The following PALD1 variants were observed in gnomAD, a reference collection of about 807,000 sequenced individuals.
The protein encoded by PALD1 is paladin.
A neutral mutation model predicts 96.0 loss-of-function variants in PALD1; 57 were observed. The observed-to-expected ratio is 0.59, with a 90% confidence interval of 0.48 to 0.74. The LOEUF is 0.74. Among genes scored for constraint, PALD1 ranks in the 30% least tolerant of loss-of-function variants. The pLI, the probability that PALD1 is intolerant of heterozygous loss-of-function variation, is 0.00. For missense variants in PALD1, 1,063 were observed against 1,143.7 expected (o/e 0.93, Z 1.02); for synonymous variants, 464 against 473.6 (o/e 0.98, Z 0.26).
chr10:70,538,167 G>A, intron 11 of PALD1, 113 bp from the exon 12 acceptor site: 1 of 1,178,284 alleles, frequency 8.5e-7, no homozygotes, highest in Non-Finnish European at 1.2e-6. Flanking sequence ...CCTTGTCCCT[G>A]CTCTGGGCCA....
At chr10:70,459,840 C>A in the PALD1 span, among the ~76,000 whole-genome samples, 1 of 152,138 alleles carries the variant, frequency 6.6e-6, no homozygotes, top group Non-Finnish European at 1.5e-5. Flanking sequence ...TAGGTGAACG[C>A]CACTCTGCCC....
At chr10:70,529,606 G>C (rs1846951461) in intron 3 of PALD1, among the ~76,000 whole-genome samples, 1 of 152,046 alleles carries the variant, frequency 6.6e-6, no homozygotes, top group South Asian at 2.1e-4. Context: ...CTTTCCTCCA[G>C]GCCTGGCTCA....
chr10:70,463,965 T>C, the PALD1 span, among the ~76,000 whole-genome samples: 1 of 152,168 alleles, frequency 6.6e-6, no homozygotes, highest in Non-Finnish European at 1.5e-5. Flanking sequence ...AAGATACACA[T>C]ACAGTAAAGT....
the PALD1 span, among the ~76,000 whole-genome samples, chr10:70,459,532 G>A: frequency 6.6e-6 from 1 of 152,304 alleles, no homozygotes; most frequent in East Asian, 1.9e-4. Context: ...GCTGGGGCTG[G>A]GCAGTGCCAA....
intron 7 of PALD1, 71 bp from the exon 8 acceptor site, chr10:70,533,851 T>C: frequency 7.2e-7 from 1 of 1,388,868 alleles, no homozygotes; most frequent in Admixed American, 2.6e-5. Context: ...TGTCATGCTT[T>C]TCTCCCTGCT....
At chr10:70,549,914 A>G (rs1589215124) in intron 18 of PALD1, among the ~76,000 whole-genome samples, 1 of 152,296 alleles carries the variant, frequency 6.6e-6, no homozygotes, top group East Asian at 1.9e-4. Flanking sequence ...CGCTCCCACC[A>G]GGTCACCCAC....
At chr10:70,556,225 G>A (rs1474032715) in intron 18 of PALD1, among the ~76,000 whole-genome samples, 1 of 151,924 alleles carries the variant, frequency 6.6e-6, no homozygotes, top group East Asian at 1.9e-4. Context: ...GAGTGTGCAT[G>A]TGAGTACCCG....
chr10:70,515,400 C>G (rs1172533315), intron 1 of PALD1, among the ~76,000 whole-genome samples: 1 of 152,198 alleles, frequency 6.6e-6, no homozygotes, highest in Admixed American at 6.5e-5. Context: ...ATGTGATGAT[C>G]GTGGTTGTTA....
intron 8 of PALD1, 150 bp from the exon 9 acceptor site, chr10:70,534,275 T>C: frequency 1.3e-6 from 1 of 750,096 alleles, no homozygotes; most frequent in Non-Finnish European, 2.1e-6. Flanking sequence ...GTTTCCCTAG[T>C]TGGGGAAATG....
intron 1 of PALD1, among the ~76,000 whole-genome samples, chr10:70,511,200 A>C (rs1310901680): frequency 2.0e-5 from 3 of 152,250 alleles, no homozygotes; most frequent in Non-Finnish European, 2.9e-5. Context: ...TTTGGCTGCA[A>C]GTAATAGGAA....
intron 1 of PALD1, among the ~76,000 whole-genome samples, chr10:70,502,539 A>G (rs1846319094): frequency 6.6e-6 from 1 of 152,212 alleles, no homozygotes; most frequent in African/African-American, 2.4e-5. Flanking sequence ...GTGAAAGACT[A>G]GAAATATCTT....
rs767152116 is a variant in PALD1, at chr10:70,534,089, C to T, written c.1022+16C>T. ...CCCAGCCAGAGTGAGTGGCCCGGGG[C>T]CCAGCGTCCTGAAGGGCTGTGGGGC... On this transcript the variant is annotated intron_variant, in intron 8 of 19. Transcript: ENST00000263563. The T allele has an allele frequency of 9.5e-6, 15 of 1,579,180 alleles. No individual in the cohort carries two copies. The highest frequency in any genetic ancestry group is 2.3e-5 in the East Asian group (1 of 43,862).
chr10:70,560,343 G>T (rs1030352569), intron 18 of PALD1, among the ~76,000 whole-genome samples: 13 of 152,250 alleles, frequency 8.5e-5, no homozygotes, highest in Admixed American at 3.3e-4. Flanking sequence ...AGGAAGAGCT[G>T]GGGTCTTGGG....
At chr10:70,512,960 G>A (rs906992767) in intron 1 of PALD1, among the ~76,000 whole-genome samples, 3 of 152,184 alleles carry the variant, frequency 2.0e-5, no homozygotes, top group African/African-American at 7.2e-5. Context: ...TGGCTAATTA[G>A]AGTGGAAAAT....
intron 1 of PALD1, among the ~76,000 whole-genome samples, chr10:70,492,939 G>T (rs1846123988): frequency 6.6e-6 from 1 of 152,094 alleles, no homozygotes; most frequent in Non-Finnish European, 1.5e-5. Context: ...CTCAGTTTTG[G>T]CAACCCAGGG....
At chr10:70,557,362 T>C (rs1158010762) in intron 18 of PALD1, among the ~76,000 whole-genome samples, 2 of 152,150 alleles carry the variant, frequency 1.3e-5, no homozygotes, top group Non-Finnish European at 2.9e-5. Context: ...AGTGGGCCTC[T>C]TGAGGAACGA....
At chr10:70,510,652 C>T (rs1846494647) in intron 1 of PALD1, among the ~76,000 whole-genome samples, 1 of 152,176 alleles carries the variant, frequency 6.6e-6, no homozygotes, top group African/African-American at 2.4e-5. Flanking sequence ...GGGTCCCTCC[C>T]ATCCAGGTAA....
At chr10:70,462,932 G>A in the PALD1 span, among the ~76,000 whole-genome samples, 1 of 152,252 alleles carries the variant, frequency 6.6e-6, no homozygotes, top group East Asian at 1.9e-4. Flanking sequence ...GACTGAGCCA[G>A]CCACTCACTC....
At chr10:70,541,057 A>T (rs1221797811) in intron 15 of PALD1, 45 bp from the exon 16 acceptor site, 1 of 1,542,524 alleles carries the variant, frequency 6.5e-7, no homozygotes, top group African/African-American at 1.4e-5. Context: ...GGGTTTGTGC[A>T]TCCAAGAGAC....
Sources: gnomAD v4.1 joint callset for allele counts (sites outside exome capture counted in the v4.1 genomes callset) on GRCh38, gnomAD v4.1.1 for gene constraint, MANE v1.5 for transcripts, NCBI Gene and HGNC (gene_info 2026-07-23, HGNC 2026-07-21) for gene names.